PFKFB3: variants seen among roughly 807,000 people sequenced by gnomAD.
PFKFB3 encodes 6-phosphofructo-2-kinase/fructose-2,6-bisphosphatase 3.
PFKFB3 carries 33 observed loss-of-function variants against 68.0 expected under a neutral mutation model. The observed-to-expected ratio is 0.49, with a 90% CI of 0.37 to 0.65. PFKFB3 has a LOEUF of 0.65. Ranked by LOEUF, PFKFB3 falls within the 30% of genes least tolerant of loss-of-function variation. The probability of loss-of-function intolerance (pLI) is 0.00; values close to 1 mark genes in which losing one functional copy is unlikely to be tolerated. For synonymous variants in PFKFB3, 315 were observed against 288.2 expected (o/e 1.09, Z -0.94); for missense variants, 586 against 712.2 (o/e 0.82, Z 2.02).
At chr10:6,204,100 A>G (rs1393637420) in intron 1 of PFKFB3, among the ~76,000 whole-genome samples, 2 of 152,166 alleles carry the variant, frequency 1.3e-5, no homozygotes, top group Non-Finnish European at 2.9e-5. Flanking sequence ...ATTGGCTGGC[A>G]GTACCCTGCC....
chr10:6,220,575 G>GA lies in PFKFB3; in HGVS notation c.624-82dup. Reference sequence around the variant, plus strand: ...CGGTCCCGCCTTGCTGTTCTCTGGGGATCACATCTTCGGAGACGGGCCAGG... The same window carrying GA: ...CGGTCCCGCCTTGCTGTTCTCTGGGGAATCACATCTTCGGAGACGGGCCAGG... On this transcript the variant is annotated intron_variant, in intron 7 of 14. Transcript: ENST00000379775. This position sits in a 1 kb window ranked among gnomAD's most constrained non-coding sequence, Gnocchi z 4.1. The GA allele has an allele frequency of 7.8e-7, 1 of 1,274,374 alleles. No individual in the cohort carries two copies. 78.9% of individuals were successfully genotyped at this position (1,274,374 alleles called of 1,614,324 possible).
At chr10:6,231,007 C>T (rs1250828291) in intron 14 of PFKFB3, among the ~76,000 whole-genome samples, 1 of 152,092 alleles carries the variant, frequency 6.6e-6, no homozygotes, top group Non-Finnish European at 1.5e-5. Context: ...TGAGCCACCA[C>T]GCCCAGCCTA....
the PFKFB3 span, among the ~76,000 whole-genome samples, chr10:6,314,394 A>G: frequency 2.2e-3 from 332 of 152,268 alleles, 3 homozygotes; most frequent in African/African-American, 7.3e-3. Flanking sequence ...TTAGGTAGAG[A>G]TCTTTTCTTT....
chr10:6,243,449 C>T (rs1328063112), intron 14 of PFKFB3, among the ~76,000 whole-genome samples: 1 of 152,224 alleles, frequency 6.6e-6, no homozygotes, highest in East Asian at 1.9e-4. Flanking sequence ...ACAGTGTTCG[C>T]TTTGGAGACA....
At chr10:6,196,448 A>C (rs1305065124) in intron 1 of PFKFB3, among the ~76,000 whole-genome samples, 4 of 152,196 alleles carry the variant, frequency 2.6e-5, no homozygotes, top group African/African-American at 7.2e-5. Flanking sequence ...GCCGTCTGCA[A>C]GCTGAGGAGC....
At chr10:6,185,865 C>G (rs190583010) in intron 1 of PFKFB3, among the ~76,000 whole-genome samples, 2 of 152,136 alleles carry the variant, frequency 1.3e-5, no homozygotes, top group Non-Finnish European at 2.9e-5. Context: ...GTCTTGAACT[C>G]CTGACCTCAG....
At chr10:6,320,625 A>G in the PFKFB3 span, among the ~76,000 whole-genome samples, 6 of 152,030 alleles carry the variant, frequency 3.9e-5, no homozygotes, top group Non-Finnish European at 8.8e-5. Context: ...AGGTCTCCCT[A>G]TGTTGCCCAG....
intron 1 of PFKFB3, among the ~76,000 whole-genome samples, chr10:6,207,022 T>C (rs1313290759): frequency 2.0e-5 from 3 of 150,554 alleles, no homozygotes; most frequent in South Asian, 4.2e-4. Flanking sequence ...CGCTCCTCAC[T>C]TCCCAGATGG....
chr10:6,220,788 T>G lies in PFKFB3; in HGVS notation c.754T>G (p.Cys252Gly). Residue 252 changes from cysteine to glycine, a missense_variant, in exon 8 of 15, where the codon TGC becomes GGC. Cys to Gly is a radical substitution (Grantham distance 159). Transcript: ENST00000379775. The surrounding 1 kb of genome is among the most constrained non-coding windows in gnomAD (Gnocchi z 4.1). ...CGTGCAGCCGCGTACCATCTACCTGTGCCGGCACGGCGAGAACGAGCACAA... is the reference window on the plus strand; with the variant it reads ...CGTGCAGCCGCGTACCATCTACCTGGGCCGGCACGGCGAGAACGAGCACAA... ...IHVQPRTIYL[C>G]RHGENEHNLQ... 6.2e-7 allele frequency: 1 copy of G among 1,614,016 alleles called. No individual in the cohort carries two copies. Among genetic ancestry groups the G allele is most frequent in the Non-Finnish European group, 8.5e-7 (1 of 1,180,032 alleles).
rs1039382631 is a variant in PFKFB3 at position 6,243,887 on chromosome 10, G to A, written c.1516-10291G>A. On this transcript the variant is annotated intron_variant, in intron 14 of 14. Coordinates refer to the PFKFB3 transcript ENST00000640683. ...TACTTAGTGTGCGCCATCATGCCCA[G>A]CTAATGTTTTTATTTTTTGTAGAGA... Among the ~76,000 whole-genome samples the A allele has an allele frequency of 5.9e-5, 9 of 151,968 alleles. 1 individual carries two copies. Among genetic ancestry groups the A allele is most frequent in the Admixed American group, 5.9e-4 (9 of 15,240 alleles).
At chr10:6,308,111 T>C in the PFKFB3 span, among the ~76,000 whole-genome samples, 3 of 152,200 alleles carry the variant, frequency 2.0e-5, no homozygotes, top group Admixed American at 6.5e-5. Context: ...CGGTATTCTG[T>C]TATAGCAGTT....
chr10:6,190,572 A>C (rs2131820417), intron 1 of PFKFB3, among the ~76,000 whole-genome samples: 1 of 152,220 alleles, frequency 6.6e-6, no homozygotes, highest in African/African-American at 2.4e-5. Flanking sequence ...AGACTGAGGC[A>C]GGGGGGACTG....
At chr10:6,322,940 G>T in the PFKFB3 span, among the ~76,000 whole-genome samples, 1 of 152,096 alleles carries the variant, frequency 6.6e-6, no homozygotes, top group Non-Finnish European at 1.5e-5. Context: ...AGTTCCATGG[G>T]GACAGACCCT....
chr10:6,196,195 A>G (rs1038036919), intron 1 of PFKFB3, among the ~76,000 whole-genome samples: 3 of 150,966 alleles, frequency 2.0e-5, no homozygotes, highest in African/African-American at 7.3e-5. Flanking sequence ...GCACTGGTGC[A>G]ATCACAACTC....
At chr10:6,262,380 G>A in the PFKFB3 span, among the ~76,000 whole-genome samples, 7 of 5,104 alleles carry the variant, frequency 1.4e-3, no homozygotes, top group East Asian at 0.014. Context: ...CGTGAACCCT[G>A]GGGGGCGGAG....
rs950469834 is a variant in PFKFB3, at chr10:6,229,614, A to G, written c.1515+3249A>G. 6.6e-6 allele frequency among the ~76,000 whole-genome samples: 1 copy of G among 152,082 alleles called. No individual in the cohort carries two copies. The highest frequency in any genetic ancestry group is 1.5e-5 in the Non-Finnish European group (1 of 67,998). Reference sequence around the variant, plus strand: ...TTCTTGGGGCGCACCCTCCATCCTCAGGGCCAGTGTCTGTGATGCGCGGGG... The same window carrying G: ...TTCTTGGGGCGCACCCTCCATCCTCGGGGCCAGTGTCTGTGATGCGCGGGG... On this transcript the variant is annotated intron_variant, in intron 14 of 14. Coordinates refer to ENST00000379775, the MANE Select transcript of PFKFB3 (RefSeq NM_004566.4). This position sits in a 1 kb window ranked among gnomAD's most constrained non-coding sequence, Gnocchi z 4.3.
intron 11 of PFKFB3, 126 bp downstream of exon 11, chr10:6,223,110 G>A (rs1845083037): frequency 1.1e-5 from 10 of 946,616 alleles, no homozygotes; most frequent in Non-Finnish European, 1.5e-5. Context: ...GTTAGGAGAA[G>A]GGCACAGGTG....
rs1844531861 is a variant in PFKFB3, at chr10:6,215,741, C to A, written c.300-384C>A. Among the ~76,000 whole-genome samples, 1 of 152,310 alleles carries A rather than the reference C, an allele frequency of 6.6e-6. No homozygotes were observed. The highest frequency in any genetic ancestry group is 2.1e-4 in the South Asian group (1 of 4,830). On this transcript the variant is annotated intron_variant, in intron 3 of 14. Transcript: ENST00000379775. This position sits in a 1 kb window ranked among gnomAD's most constrained non-coding sequence, Gnocchi z 4.3. ...TGTTAAGTGCGAGTTGATTGTGAAACCCTAGTGCAAGGGTGTTCAGCCCCG... is the reference window on the plus strand; with the variant it reads ...TGTTAAGTGCGAGTTGATTGTGAAAACCTAGTGCAAGGGTGTTCAGCCCCG...
chr10:6,205,035 C>T (rs976816481), intron 1 of PFKFB3, among the ~76,000 whole-genome samples: 4 of 152,224 alleles, frequency 2.6e-5, no homozygotes, highest in African/African-American at 7.2e-5. Context: ...TCAACCTGCA[C>T]GTCTCACACG....
Sources: gnomAD v4.1 joint callset for allele counts (sites outside exome capture counted in the v4.1 genomes callset) on GRCh38, gnomAD v4.1.1 for gene constraint, Gnocchi (gnomAD v3.1) non-coding constraint, MANE v1.5 for transcripts, NCBI Gene and HGNC (gene_info 2026-07-23, HGNC 2026-07-21) for gene names.